SLC68A1: variants seen among roughly 807,000 people sequenced by gnomAD.
SLC68A1 encodes the protein major facilitator superfamily domain containing 13A.
the SLC68A1 span, chr10:102,472,298 T>C: frequency 3.4e-6 from 1 of 295,870 alleles, no homozygotes. Context: ...CTTCTCACTT[T>C]GTTGCCCAGG....
At chr10:102,471,490 T>C in the SLC68A1 span, 8 of 1,528,478 alleles carry the variant, frequency 5.2e-6, no homozygotes, top group Middle Eastern at 2.4e-4. Context: ...CCACGCATGG[T>C]GGCTCATGCC....
At chr10:102,473,624 G>T in the SLC68A1 span, 1 of 1,614,012 alleles carries the variant, frequency 6.2e-7, no homozygotes, top group Admixed American at 1.7e-5. Flanking sequence ...TCCCTGTGCC[G>T]GCGCTGGGGC....
At chr10:102,470,886 A>T in the SLC68A1 span, 1 of 1,613,054 alleles carries the variant, frequency 6.2e-7, no homozygotes, top group South Asian at 1.1e-5. Context: ...TCAGCCCACG[A>T]CCGCACCCAC....
chr10:102,466,075 T>C, the SLC68A1 span: 44,578 of 151,920 alleles, frequency 0.29, 6,954 homozygotes, highest in Admixed American at 0.35. Context: ...TACCTGCTCC[T>C]ACCCTGATCT....
chr10:102,462,002 C>T, the SLC68A1 span: 1 of 152,404 alleles, frequency 6.6e-6, no homozygotes, highest in African/African-American at 2.4e-5. Context: ...ATCCCAAACT[C>T]CTCAGTGGCT....
At chr10:102,470,888 C>T in the SLC68A1 span, 116 of 1,613,168 alleles carry the variant, frequency 7.2e-5, 1 homozygote, top group African/African-American at 1.6e-4. Context: ...AGCCCACGAC[C>T]GCACCCACCT....
At chr10:102,470,869 G>T in the SLC68A1 span, 1 of 1,613,264 alleles carries the variant, frequency 6.2e-7, no homozygotes, top group African/African-American at 1.3e-5. Flanking sequence ...TGGCCGACCT[G>T]GCCCTCTCAG....
the SLC68A1 span, chr10:102,474,050 CA>C: frequency 5.8e-6 from 9 of 1,540,448 alleles, no homozygotes; most frequent in Non-Finnish European, 7.9e-6. Flanking sequence ...CTTAAGGCTC[CA>C]GGGGGCACAG....
At chr10:102,465,406 C>T in the SLC68A1 span, among the ~76,000 whole-genome samples, 2 of 151,964 alleles carry the variant, frequency 1.3e-5, no homozygotes, top group African/African-American at 4.8e-5. Flanking sequence ...GCCTGCGTGA[C>T]AGAGCGAGAC....
chr10:102,475,649 C>A, the SLC68A1 span: 1 of 1,507,508 alleles, frequency 6.6e-7, no homozygotes, highest in Non-Finnish European at 8.9e-7. Flanking sequence ...GATGTCACAC[C>A]ATAGACTTGG....
chr10:102,472,803 G>A, the SLC68A1 span: 1 of 1,445,330 alleles, frequency 6.9e-7, no homozygotes, highest in African/African-American at 1.4e-5. Flanking sequence ...TTCTGGCCTT[G>A]TCAGCTCTCC....
At chr10:102,473,886 G>C in the SLC68A1 span, 6 of 1,614,160 alleles carry the variant, frequency 3.7e-6, no homozygotes, top group Non-Finnish European at 3.4e-6. Context: ...GGTAGACGAG[G>C]ACCTGGTGCT....
chr10:102,468,133 CCA>C, the SLC68A1 span, among the ~76,000 whole-genome samples: 11 of 152,290 alleles, frequency 7.2e-5, no homozygotes, highest in African/African-American at 2.6e-4. Context: ...TTCCCTGATT[CCA>C]TATCATTTAA....
the SLC68A1 span, chr10:102,475,813 G>A: frequency 8.1e-6 from 13 of 1,613,906 alleles, no homozygotes; most frequent in East Asian, 2.2e-5. Flanking sequence ...CACAGGCCCC[G>A]ACGCTCCGCC....
At chr10:102,468,374 G>A in the SLC68A1 span, 1 of 152,294 alleles carries the variant, frequency 6.6e-6, no homozygotes, top group Non-Finnish European at 1.5e-5. Flanking sequence ...GTCCCGTCTA[G>A]ACCATTAAAG....
At chr10:102,474,372 TGTTATG>T in the SLC68A1 span, among the ~76,000 whole-genome samples, 1 of 151,700 alleles carries the variant, frequency 6.6e-6, no homozygotes, top group Non-Finnish European at 1.5e-5. Context: ...GCAGTAATAG[TGTTATG>T]GTGAAATTAA....
chr10:102,474,079 C>T, the SLC68A1 span: 1 of 1,460,674 alleles, frequency 6.8e-7, no homozygotes, highest in Non-Finnish European at 9.1e-7. Flanking sequence ...GGCACAGTGG[C>T]TGGCAAGCCT....
chr10:102,470,102 T>G, the SLC68A1 span: 1 of 1,605,952 alleles, frequency 6.2e-7, no homozygotes, highest in Middle Eastern at 1.7e-4. Flanking sequence ...CAGCTCGTAA[T>G]TGGTTCAGTC....
the SLC68A1 span, chr10:102,470,745 T>G: frequency 6.2e-7 from 1 of 1,613,834 alleles, no homozygotes; most frequent in Non-Finnish European, 8.5e-7. Context: ...CTGCTGGCGC[T>G]GTCGTTCCTG....
Sources: allele counts gnomAD v4.1 joint callset (sites outside exome capture counted in the v4.1 genomes callset), GRCh38; gene constraint gnomAD v4.1.1; transcripts MANE v1.5; gene names NCBI Gene and HGNC (gene_info 2026-07-23, HGNC 2026-07-21).